RPGRIP1L: variants seen among roughly 807,000 people sequenced by gnomAD.
The protein encoded by RPGRIP1L is RPGRIP1 like.
In RPGRIP1L, 131 loss-of-function variants were observed where a neutral mutation model predicts 160.4. That is an observed-to-expected ratio of 0.82 (90% confidence interval 0.71 to 0.94). RPGRIP1L has a LOEUF of 0.94. Among genes scored for constraint, RPGRIP1L ranks in the 40% least tolerant of loss-of-function variants. RPGRIP1L has a pLI of 0.00. For synonymous variants in RPGRIP1L, 510 were observed against 515.8 expected, an observed-to-expected ratio of 0.99 and a Z score of 0.15; for missense variants, 1,522 against 1,535.8, an observed-to-expected ratio of 0.99 and a Z score of 0.15.
rs1174020902 is a variant in RPGRIP1L at position 53,692,244 on chromosome 16, C to T, written c.351G>A (p.Glu117=). ...EMEEMIEQLQ[E]KVHELEKQNE... ...TTTGTTTTTCAAGCTCATGAACTTT[C>T]TCTTGCAGCTGCTCAATCATTTCTT... The change falls in exon 4 of 27, where the codon GAG becomes GAA. Residue 117 remains glutamate (E), a synonymous_variant. Transcript: ENST00000647211. The T allele has an allele frequency of 6.2e-7, 1 of 1,614,152 alleles. No individual in the cohort carries two copies. Among genetic ancestry groups the T allele is most frequent in the Non-Finnish European group, 8.5e-7 (1 of 1,180,030 alleles).
rs1285970142 is a variant in RPGRIP1L, at chr16:53,602,138, C to T, written c.3886G>A (p.Val1296Ile). The change falls in exon 27 of 27, where the codon GTC becomes ATC. Residue 1296 changes from valine to isoleucine, a missense_variant. Physicochemically the swap from Val to Ile is conservative, Grantham distance 29. Coordinates refer to ENST00000647211, the MANE Select transcript of RPGRIP1L (RefSeq NM_015272.5). Reference protein sequence around the residue: ...GEGIGKLRVTVEALHALQSVY... With the variant: ...GEGIGKLRVTIEALHALQSVY... ...GACTGGAGGGCATGGAGAGCTTCGA[C>T]TGTTACCCTGAGCTTGCCAATACCT... The T allele has an allele frequency of 3.1e-6, 5 of 1,613,928 alleles. No homozygotes were observed. Among genetic ancestry groups the T allele is most frequent in the East Asian group, 2.2e-5 (1 of 44,892 alleles).
Position 53,687,944 on chromosome 16 carries a change from T to A in RPGRIP1L, c.551A>T (p.Asp184Val), listed in dbSNP as rs1412326096. The A allele has an allele frequency of 6.2e-7, 1 of 1,608,500 alleles. No homozygotes were observed. The highest frequency in any genetic ancestry group is 8.5e-7 in the Non-Finnish European group (1 of 1,175,402). ...CATGGGATGTGGAGTTTCTGCTACATCTGCATCTTGGAATTTTATACCTAA... is the reference window on the plus strand; with the variant it reads ...CATGGGATGTGGAGTTTCTGCTACAACTGCATCTTGGAATTTTATACCTAA... Reference protein sequence around the residue: ...PRKGIKFQDADVAETPHPMFT... With the variant: ...PRKGIKFQDAVVAETPHPMFT... Residue 184 changes from aspartate to valine, a missense_variant, in exon 5 of 27, where the codon GAT (aspartate) becomes GTT (valine). Physicochemically the swap from Asp to Val is radical, Grantham distance 152. Coordinates refer to ENST00000647211, the MANE Select transcript of RPGRIP1L (RefSeq NM_015272.5).
intron 22 of RPGRIP1L, among the ~76,000 whole-genome samples, chr16:53,630,800 T>A (rs574595192): frequency 1.3e-5 from 2 of 152,122 alleles, no homozygotes; most frequent in Admixed American, 1.3e-4. Context: ...AGTGGTGCAA[T>A]CTCGACTCAC....
chr16:53,660,520 G>A lies in RPGRIP1L; in HGVS notation c.1244-1642C>T, dbSNP rs547090165. Among the ~76,000 whole-genome samples, 9 of 151,612 alleles carry A rather than the reference G, an allele frequency of 5.9e-5. No individual in the cohort carries two copies. In the South Asian group the frequency reaches 1.9e-3, roughly 32 times the overall value. Reference sequence around the variant, plus strand: ...AGGAATAAATTTGGATGTTTTTAATGTCATATAATTCTTGGCAGTCTAAAA... The same window carrying A: ...AGGAATAAATTTGGATGTTTTTAATATCATATAATTCTTGGCAGTCTAAAA... On this transcript the variant is annotated intron_variant, in intron 10 of 26. Transcript: ENST00000647211.
At chr16:53,685,757 C>T (rs889972395) in intron 6 of RPGRIP1L, among the ~76,000 whole-genome samples, 5 of 152,064 alleles carry the variant, frequency 3.3e-5, no homozygotes, top group Non-Finnish European at 5.9e-5. Flanking sequence ...AGCTAGTGGA[C>T]GCTGGGTTTA....
At chr16:53,618,996 A>T in intron 24 of RPGRIP1L, 29 bp downstream of exon 24, 1 of 1,537,350 alleles carries the variant, frequency 6.5e-7, no homozygotes. Context: ...CAAACATAAA[A>T]GTCTATATTA....
intron 9 of RPGRIP1L, among the ~76,000 whole-genome samples, chr16:53,670,433 T>C (rs1968617086): frequency 6.6e-6 from 1 of 152,162 alleles, no homozygotes; most frequent in African/African-American, 2.4e-5. Context: ...TGTAAACCTG[T>C]ATTTATCATT....
rs1204090224 is a variant in RPGRIP1L at position 53,645,629 on chromosome 16, G to A, written c.2679C>T (p.Ile893=). 2 of 1,613,260 alleles carry A rather than the reference G, an allele frequency of 1.2e-6. No homozygotes were observed. The highest frequency in any genetic ancestry group is 2.2e-5 in the South Asian group (2 of 90,992). ...GATTCAAAAACATAGGCTTACCTGA[G>A]ATACACCTGTCATGTGCCAACGAAA... is the stretch of plus-strand genomic sequence containing the variant. ...PLISLAHDRC[I]SGIFELTDHQ... is the part of the protein sequence containing the mutation. Residue 893 remains isoleucine, a synonymous_variant, in exon 17 of 27, where the codon ATC becomes ATT. Transcript: ENST00000647211.
At chr16:53,671,732 T>C (rs1235717911) in intron 8 of RPGRIP1L, 149 bp from the exon 9 acceptor site, 1 of 531,640 alleles carries the variant, frequency 1.9e-6, no homozygotes, top group Non-Finnish European at 3.3e-6. Flanking sequence ...ACCACTTATA[T>C]TGTCTGCATT....
In RPGRIP1L at chr16:53,645,950, A is replaced by G. The variant is rs1468139751; in HGVS notation, c.2358T>C (p.Asp786=). 1.2e-6 allele frequency: 2 copies of G among 1,614,114 alleles called. No homozygotes were observed. The highest frequency in any genetic ancestry group is 3.3e-5 in the Admixed American group (2 of 60,014). ...TAQLSSTDST[D]GNLNELHITI... is the part of the protein sequence containing the mutation. ...TAATGTGAAGTTCATTTAAGTTGCC[A>G]TCTGTGGAATCTGTAGAACTGAGTT... Residue 786 remains aspartate (D), a synonymous_variant, in exon 17 of 27, where the codon GAT becomes GAC. Coordinates refer to ENST00000647211, the MANE Select transcript of RPGRIP1L (RefSeq NM_015272.5).
At chr16:53,649,984 C>T (rs911556086) in intron 15 of RPGRIP1L, among the ~76,000 whole-genome samples, 2 of 152,128 alleles carry the variant, frequency 1.3e-5, no homozygotes, top group African/African-American at 4.8e-5. Flanking sequence ...CAGATTATTA[C>T]AAATATTACC....
intron 9 of RPGRIP1L, among the ~76,000 whole-genome samples, chr16:53,669,097 G>A (rs1968507607): frequency 6.6e-6 from 1 of 152,176 alleles, no homozygotes; most frequent in Non-Finnish European, 1.5e-5. Context: ...GGGAGTATGT[G>A]CAGTTTTTGA....
At chr16:53,635,890 C>T (rs1965806780) in intron 22 of RPGRIP1L, among the ~76,000 whole-genome samples, 1 of 152,100 alleles carries the variant, frequency 6.6e-6, no homozygotes, top group African/African-American at 2.4e-5. Context: ...ATTTTCTTCT[C>T]AAAATTTCAA....
At chr16:53,692,015 T>TA (rs772882619) in intron 4 of RPGRIP1L, 51 bp downstream of exon 4, 1 of 1,564,222 alleles carries the variant, frequency 6.4e-7, no homozygotes, top group South Asian at 1.1e-5. Context: ...TTTTTTGTGT[T>TA]AAACAATCTA....
At position 53,653,461 on chromosome 16, in the gene RPGRIP1L, T is replaced by C. The variant is rs541680253; in HGVS notation, c.1700-474A>G. ...GATCATGATGATGGTTTCACCGTTA[T>C]ATACAGAGGCCAACCAAATATCACC... On this transcript the variant is annotated intron_variant, in intron 14 of 26. Coordinates refer to ENST00000647211, the MANE Select transcript of RPGRIP1L (RefSeq NM_015272.5). 7.7e-4 allele frequency: 383 copies of C among 498,800 alleles called. 5 individuals are homozygous for C. In the South Asian group the frequency reaches 0.028, roughly 37 times the overall value. 30.9% of individuals were successfully genotyped at this position (498,800 alleles called of 1,614,324 possible).
chr16:53,651,937 CTTAAAT>C (rs1362025244), intron 15 of RPGRIP1L, among the ~76,000 whole-genome samples: 2 of 151,694 alleles, frequency 1.3e-5, no homozygotes, highest in African/African-American at 4.8e-5. Context: ...TTATTATGAA[CTTAAAT>C]TACAGTTCAA....
rs1238972011 is a variant in RPGRIP1L, at chr16:53,657,510, C to T, written c.1524G>A (p.Glu508=). Residue 508 remains glutamate, a synonymous_variant, in exon 13 of 27, where the codon GAG becomes GAA. Coordinates refer to ENST00000647211, the MANE Select transcript of RPGRIP1L (RefSeq NM_015272.5). ...LQATHAETVQ[E]LEKTRNMLIM... ...TTAGCATGTTTCTTGTCTTTTCCAG[C>T]TCTTGCACCGTTTCTGCATGAGTTG... 1.2e-6 allele frequency: 2 copies of T among 1,613,096 alleles called. No individual in the cohort carries two copies. Among genetic ancestry groups the T allele is most frequent in the African/African-American group, 1.3e-5 (1 of 74,982 alleles).
chr16:53,641,512 GAA>G, intron 17 of RPGRIP1L, 37 bp from the exon 18 acceptor site: 1 of 1,549,034 alleles, frequency 6.5e-7, no homozygotes, highest in Non-Finnish European at 8.9e-7. Context: ...ATGCTAGAGT[GAA>G]GTTTTATTAC....
intron 9 of RPGRIP1L, among the ~76,000 whole-genome samples, chr16:53,669,553 T>A (rs2067354307): frequency 6.6e-6 from 1 of 152,092 alleles, no homozygotes; most frequent in Non-Finnish European, 1.5e-5. Flanking sequence ...GAGAAAAACA[T>A]GACTTTCTCA....
Sources: allele counts gnomAD v4.1 joint callset (sites outside exome capture counted in the v4.1 genomes callset), GRCh38; gene constraint gnomAD v4.1.1; transcripts MANE v1.5; gene names NCBI Gene and HGNC (gene_info 2026-07-23, HGNC 2026-07-21).